The following CACNA2D1 variants were observed in gnomAD, a reference collection of about 807,000 sequenced individuals.
CACNA2D1 encodes the protein calcium voltage-gated channel auxiliary subunit alpha2delta 1, also known as voltage-dependent calcium channel subunit alpha-2/delta-1.
In CACNA2D1, 53 loss-of-function variants were observed where a neutral mutation model predicts 171.5. That is an observed-to-expected ratio of 0.31 (90% CI 0.25 to 0.39). The LOEUF is 0.39. Among genes scored for constraint, CACNA2D1 ranks in the 10% least tolerant of loss-of-function variants. The pLI is 1.00. For missense variants in CACNA2D1, 903 were observed against 1,299.8 expected (o/e 0.69, Z 4.69); for synonymous variants, 442 against 443.1 (o/e 1.00, Z 0.03).
intron 11 of CACNA2D1, among the ~76,000 whole-genome samples, chr7:82,036,412 T>C (rs1420308903): frequency 6.6e-6 from 1 of 152,216 alleles, no homozygotes; most frequent in African/African-American, 2.4e-5. Flanking sequence ...GTCACACTTC[T>C]GTGATTTGTC....
Position 81,950,213 on chromosome 7 carries a change from C to A in CACNA2D1, c.*179G>T, listed in dbSNP as rs557232938. The A allele has an allele frequency of 9.5e-7, 1 of 1,048,170 alleles. No homozygotes were observed. The highest frequency in any genetic ancestry group is 1.4e-6 in the Non-Finnish European group (1 of 720,246). 64.9% of individuals were successfully genotyped at this position (1,048,170 alleles called of 1,614,324 possible). A position where few individuals can be genotyped will look rare whatever the true frequency, so the allele number is the denominator to read the frequency against. ...CATTCACACACGTTTAAGGATCTGA[C>A]ACCCTGACATGCAGCCAGTGGGTGC... On this transcript the variant is annotated 3_prime_UTR_variant, in exon 39 of 39. Transcript: ENST00000356860.
At chr7:82,364,119 A>G (rs1821408325) in intron 1 of CACNA2D1, among the ~76,000 whole-genome samples, 1 of 152,152 alleles carries the variant, frequency 6.6e-6, no homozygotes, top group Non-Finnish European at 1.5e-5. Flanking sequence ...GCTACTCAGG[A>G]GGCTGAGACA....
chr7:82,305,333 C>T (rs1813583391), intron 3 of CACNA2D1, among the ~76,000 whole-genome samples: 1 of 152,146 alleles, frequency 6.6e-6, no homozygotes, highest in Non-Finnish European at 1.5e-5. Context: ...ACTTCTTTGA[C>T]ATATTTTGAT....
intron 3 of CACNA2D1, among the ~76,000 whole-genome samples, chr7:82,221,819 AT>A (rs1304111140): frequency 5.9e-5 from 9 of 151,706 alleles, no homozygotes; most frequent in Non-Finnish European, 1.2e-4. Flanking sequence ...TATTAAAATG[AT>A]TTCAAGATAA....
At chr7:82,293,661 C>T (rs1027494260) in intron 3 of CACNA2D1, among the ~76,000 whole-genome samples, 2 of 152,164 alleles carry the variant, frequency 1.3e-5, no homozygotes. Context: ...TAGAATGATG[C>T]CTCATACATC....
At chr7:82,340,236 T>C (rs988791194) in intron 2 of CACNA2D1, among the ~76,000 whole-genome samples, 1 of 152,198 alleles carries the variant, frequency 6.6e-6, no homozygotes, top group Non-Finnish European at 1.5e-5. Context: ...CTGCCTTGCC[T>C]CTGAACTGCC....
At chr7:82,001,549 G>A (rs1162883982) in intron 18 of CACNA2D1, 4 of 318,292 alleles carry the variant, frequency 1.3e-5, no homozygotes, top group Non-Finnish European at 1.9e-5. Context: ...CTGGAAGCTT[G>A]ATGTCAGGAA....
chr7:82,115,595 A>C (rs1195481165), intron 6 of CACNA2D1, among the ~76,000 whole-genome samples: 1 of 151,940 alleles, frequency 6.6e-6, no homozygotes, highest in Non-Finnish European at 1.5e-5. Context: ...TTTAAAATCA[A>C]AGAATTGATA....
chr7:82,365,672 T>C (rs958237453), intron 1 of CACNA2D1, among the ~76,000 whole-genome samples: 4 of 152,256 alleles, frequency 2.6e-5, no homozygotes, highest in Non-Finnish European at 4.4e-5. Flanking sequence ...TCTACATTTT[T>C]AGCTACGCTT....
chr7:82,417,476 A>G (rs1304562935), intron 1 of CACNA2D1, among the ~76,000 whole-genome samples: 3 of 152,224 alleles, frequency 2.0e-5, no homozygotes, highest in Non-Finnish European at 4.4e-5. Flanking sequence ...AATAAAACTC[A>G]CTGATGTGAC....
intron 3 of CACNA2D1, among the ~76,000 whole-genome samples, chr7:82,205,198 G>A (rs1799887754): frequency 6.6e-6 from 1 of 152,080 alleles, no homozygotes; most frequent in African/African-American, 2.4e-5. Flanking sequence ...CTTAGCTTGG[G>A]CTGGAATCTG....
At chr7:81,981,141 C>T (rs920648573) in intron 24 of CACNA2D1, among the ~76,000 whole-genome samples, 1 of 152,138 alleles carries the variant, frequency 6.6e-6, no homozygotes, top group Non-Finnish European at 1.5e-5. Context: ...AACCTGTAGG[C>T]AGAGAACACA....
chr7:82,398,648 G>C (rs1397223117), intron 1 of CACNA2D1, among the ~76,000 whole-genome samples: 1 of 150,530 alleles, frequency 6.6e-6, no homozygotes, highest in Non-Finnish European at 1.5e-5. Context: ...CATAATCATA[G>C]CTCACTGCAG....
chr7:81,976,335 G>A (rs1301330408), intron 24 of CACNA2D1, among the ~76,000 whole-genome samples: 3 of 152,232 alleles, frequency 2.0e-5, no homozygotes, highest in East Asian at 1.9e-4. Context: ...ACTTTGGGCA[G>A]TATGGCCATT....
At chr7:82,202,236 C>A (rs1041164606) in intron 3 of CACNA2D1, among the ~76,000 whole-genome samples, 1 of 152,200 alleles carries the variant, frequency 6.6e-6, no homozygotes, top group Non-Finnish European at 1.5e-5. Flanking sequence ...GACTTGCTGG[C>A]GCCCAGAGAA....
At chr7:82,262,899 T>A (rs755927878) in intron 3 of CACNA2D1, among the ~76,000 whole-genome samples, 1 of 152,100 alleles carries the variant, frequency 6.6e-6, no homozygotes, top group Non-Finnish European at 1.5e-5. Context: ...TAAGGAATGC[T>A]ACACAAACAG....
intron 6 of CACNA2D1, among the ~76,000 whole-genome samples, chr7:82,095,652 T>C (rs1811767792): frequency 6.6e-6 from 1 of 152,220 alleles, no homozygotes; most frequent in Non-Finnish European, 1.5e-5. Context: ...TTTTGGTACA[T>C]ACTAACAATA....
At chr7:82,170,751 C>T (rs1334333233) in intron 3 of CACNA2D1, 142 bp from the exon 4 acceptor site, 8 of 765,140 alleles carry the variant, frequency 1.0e-5, no homozygotes, top group African/African-American at 1.7e-5. Flanking sequence ...AATTCTAAAT[C>T]ATTTAGTAAT....
At chr7:82,011,371 A>G (rs1799753392) in intron 15 of CACNA2D1, among the ~76,000 whole-genome samples, 1 of 152,218 alleles carries the variant, frequency 6.6e-6, no homozygotes, top group African/African-American at 2.4e-5. Flanking sequence ...AGGTTGGACA[A>G]GCTTGCTCTA....
Sources: allele counts gnomAD v4.1 joint callset (sites outside exome capture counted in the v4.1 genomes callset), GRCh38; gene constraint gnomAD v4.1.1; transcripts MANE v1.5; gene names NCBI Gene and HGNC (gene_info 2026-07-23, HGNC 2026-07-21).